Variants in AUTS2 observed in about 807,000 individuals in gnomAD.
AUTS2 encodes the protein autism susceptibility gene 2 protein.
In AUTS2, 17 loss-of-function variants were observed where a neutral mutation model predicts 112.4. The observed-to-expected ratio is 0.15, with a 90% CI of 0.10 to 0.23. The LOEUF (loss-of-function observed/expected upper bound fraction) is 0.23, where lower values mean the gene tolerates loss of function less well. Ranked by LOEUF, AUTS2 falls within the 10% of genes least tolerant of loss-of-function variation. AUTS2 has a pLI of 1.00. For synonymous variants in AUTS2, 751 were observed against 702.7 expected (o/e 1.07, Z -1.09); for missense variants, 1,510 against 1,701.6 (o/e 0.89, Z 1.98).
intron 5 of AUTS2, among the ~76,000 whole-genome samples, chr7:70,506,179 C>G (rs1352466976): frequency 6.6e-6 from 1 of 152,114 alleles, no homozygotes; most frequent in Non-Finnish European, 1.5e-5. Context: ...AGGATCATAA[C>G]AGAAGGTAGA....
chr7:70,475,304 T>A (rs187435904), intron 5 of AUTS2, among the ~76,000 whole-genome samples: 2 of 152,210 alleles, frequency 1.3e-5, no homozygotes, highest in African/African-American at 4.8e-5. Flanking sequence ...TTGCCATCCT[T>A]CATGTTCAAC....
chr7:70,079,012 A>G (rs915569174), intron 2 of AUTS2, among the ~76,000 whole-genome samples: 1 of 152,190 alleles, frequency 6.6e-6, no homozygotes, highest in East Asian at 1.9e-4. Context: ...GGTAGAAAAC[A>G]TGGAATAATG....
chr7:69,873,230 G>T (rs547384935), intron 1 of AUTS2, among the ~76,000 whole-genome samples: 37 of 152,296 alleles, frequency 2.4e-4, no homozygotes, highest in African/African-American at 8.4e-4. Context: ...ACAGAGTGCA[G>T]TGCTTCACAG....
At chr7:69,680,120 T>C (rs1562805816) in intron 1 of AUTS2, among the ~76,000 whole-genome samples, 1 of 152,248 alleles carries the variant, frequency 6.6e-6, no homozygotes, top group East Asian at 1.9e-4. Flanking sequence ...ATGTTATTCT[T>C]ATCATGAAGT....
intron 5 of AUTS2, among the ~76,000 whole-genome samples, chr7:70,440,230 A>AT (rs1378452101): frequency 6.6e-6 from 1 of 150,828 alleles, no homozygotes; most frequent in East Asian, 1.9e-4. Flanking sequence ...TGTCTCTAAA[A>AT]AAAAAAAAAA....
At chr7:70,628,398 T>C (rs1037754938) in intron 5 of AUTS2, among the ~76,000 whole-genome samples, 54 of 149,954 alleles carry the variant, frequency 3.6e-4, no homozygotes, top group Non-Finnish European at 8.9e-5. Context: ...TTATATAAGC[T>C]TCAGGCTCTA....
chr7:69,790,365 A>G (rs192018377), intron 1 of AUTS2, among the ~76,000 whole-genome samples: 1 of 152,322 alleles, frequency 6.6e-6, no homozygotes, highest in East Asian at 1.9e-4. Flanking sequence ...GCTTCTGTGA[A>G]TACACATTAT....
chr7:69,747,719 T>C (rs1180620439), intron 1 of AUTS2, among the ~76,000 whole-genome samples: 1 of 151,886 alleles, frequency 6.6e-6, no homozygotes, highest in Non-Finnish European at 1.5e-5. Flanking sequence ...ACAGTTTTTG[T>C]CATTGTGTGT....
chr7:70,266,693 A>C (rs1045377851), intron 4 of AUTS2, among the ~76,000 whole-genome samples: 1 of 152,196 alleles, frequency 6.6e-6, no homozygotes, highest in Non-Finnish European at 1.5e-5. Flanking sequence ...ATGTGGGTGT[A>C]TTTTATGGTA....
chr7:70,392,584 A>G (rs1793912202), intron 4 of AUTS2, among the ~76,000 whole-genome samples: 1 of 152,210 alleles, frequency 6.6e-6, no homozygotes, highest in African/African-American at 2.4e-5. Flanking sequence ...TGTACTTTTT[A>G]GTCTGTCAGT....
intron 5 of AUTS2, among the ~76,000 whole-genome samples, chr7:70,533,220 A>G (rs902630085): frequency 6.6e-6 from 1 of 152,122 alleles, no homozygotes; most frequent in East Asian, 1.9e-4. Context: ...ATCTCAAGCA[A>G]TCCTCCTGCC....
intron 2 of AUTS2, among the ~76,000 whole-genome samples, chr7:69,972,148 C>T (rs1482679868): frequency 6.6e-6 from 1 of 152,128 alleles, no homozygotes; most frequent in African/African-American, 2.4e-5. Context: ...TTGGTGTGTA[C>T]TGATGGTGTC....
intron 4 of AUTS2, among the ~76,000 whole-genome samples, chr7:70,184,690 G>C (rs1383987122): frequency 6.6e-6 from 1 of 152,046 alleles, no homozygotes; most frequent in Non-Finnish European, 1.5e-5. Flanking sequence ...GGGTCCAAAG[G>C]ATGTCTCAAA....
chr7:70,353,831 G>A (rs1265724846), intron 4 of AUTS2, among the ~76,000 whole-genome samples: 2 of 152,152 alleles, frequency 1.3e-5, no homozygotes, highest in East Asian at 3.8e-4. Context: ...ATGTTTGCTT[G>A]TACCTAATTA....
At chr7:70,559,143 G>A (rs868251176) in intron 5 of AUTS2, among the ~76,000 whole-genome samples, 12 of 152,188 alleles carry the variant, frequency 7.9e-5, no homozygotes, top group Middle Eastern at 3.4e-3. Flanking sequence ...TTTGCCTGCC[G>A]CCATGTAAGA....
At chr7:70,026,733 T>G (rs979457858) in intron 2 of AUTS2, among the ~76,000 whole-genome samples, 3 of 152,182 alleles carry the variant, frequency 2.0e-5, no homozygotes, top group Non-Finnish European at 2.9e-5. Flanking sequence ...TAATATATTC[T>G]TCTTTAATAT....
At chr7:69,600,206 C>T (rs997306004) in intron 1 of AUTS2, among the ~76,000 whole-genome samples, 11 of 152,100 alleles carry the variant, frequency 7.2e-5, no homozygotes, top group African/African-American at 1.9e-4. Context: ...TGCGCCCCCT[C>T]CCTGCACCCC....
At chr7:70,369,172 A>G (rs1219168261) in intron 4 of AUTS2, among the ~76,000 whole-genome samples, 3 of 152,212 alleles carry the variant, frequency 2.0e-5, no homozygotes, top group Non-Finnish European at 4.4e-5. Flanking sequence ...CATTGCAGGG[A>G]GAGAATATGA....
chr7:70,051,069 C>G (rs1801730743), intron 2 of AUTS2, among the ~76,000 whole-genome samples: 1 of 152,194 alleles, frequency 6.6e-6, no homozygotes, highest in African/African-American at 2.4e-5. Flanking sequence ...AGGGGATGAG[C>G]AAATGTGTGT....
Sources: allele counts gnomAD v4.1 joint callset (sites outside exome capture counted in the v4.1 genomes callset), GRCh38; gene constraint gnomAD v4.1.1; transcripts MANE v1.5; gene names NCBI Gene and HGNC (gene_info 2026-07-23, HGNC 2026-07-21).